The following SMO variants were observed in gnomAD, a reference collection of about 807,000 sequenced individuals.
The protein encoded by SMO is protein smoothened.
A neutral mutation model predicts 81.6 loss-of-function variants in SMO; 40 were observed. The ratio of observed to expected loss-of-function variants is 0.49; its 90% CI spans 0.38 to 0.64. The LOEUF (loss-of-function observed/expected upper bound fraction) is 0.64, where lower values mean the gene tolerates loss of function less well. SMO is among the 30% of genes least tolerant of loss of function. The pLI, the probability that SMO is intolerant of heterozygous loss-of-function variation, is 0.00. For synonymous variants in SMO, 434 were observed against 432.1 expected, an observed-to-expected ratio of 1.00 and a Z score of -0.05; for missense variants, 916 against 1,061.1, an observed-to-expected ratio of 0.86 and a Z score of 1.90.
At chr7:129,191,775 T>C (rs1165404925) in intron 1 of SMO, among the ~76,000 whole-genome samples, 1 of 152,204 alleles carries the variant, frequency 6.6e-6, no homozygotes, top group African/African-American at 2.4e-5. Flanking sequence ...AACTCTTGAA[T>C]GTAGGAACTG....
intron 2 of SMO, 25 bp from the exon 3 acceptor site, chr7:129,205,178 C>G (rs760491950): frequency 1.2e-6 from 2 of 1,607,520 alleles, no homozygotes; most frequent in Non-Finnish European, 1.7e-6. Flanking sequence ...GCCTTGACAC[C>G]GTCTTTTCCC....
Position 129,189,206 on chromosome 7 carries a change from C to A in SMO, c.55C>A (p.Leu19Met), listed in dbSNP as rs551830801. Residue 19 changes from leucine to methionine, a missense_variant, in exon 1 of 12, where the codon CTG (leucine) becomes ATG (methionine). By Grantham distance (15) the Leu-to-Met change is conservative (BLOSUM62 2). This residue lies in a region of SMO where 146 missense variants were observed against 149.9 expected (regional missense o/e 0.97). Coordinates refer to ENST00000249373, the MANE Select transcript of SMO (RefSeq NM_005631.5). The surrounding 1 kb of genome is among the most constrained non-coding windows in gnomAD (Gnocchi z 4.7). ...GPELPLLGLL[L>M]LLLLGDPGRG... Reference sequence around the variant, plus strand: ...GGAGCTCCCGCTCCTGGGGCTGCTGCTGCTGCTGCTGCTGGGGGACCCGGG... The same window carrying A: ...GGAGCTCCCGCTCCTGGGGCTGCTGATGCTGCTGCTGCTGGGGGACCCGGG... 8.6e-7 allele frequency: 1 copy of A among 1,156,584 alleles called. No individual in the cohort carries two copies. Among genetic ancestry groups the A allele is most frequent in the Non-Finnish European group, 1.1e-6 (1 of 922,364 alleles). 71.6% of individuals were successfully genotyped at this position (1,156,584 alleles called of 1,614,324 possible).
In SMO at chr7:129,211,107, C is replaced by G. The variant is rs2150654872; in HGVS notation, c.1795C>G (p.Pro599Ala). The change falls in exon 10 of 12, where the codon CCC (proline) becomes GCC (alanine). Residue 599 changes from proline (P) to alanine (A), a missense_variant. By Grantham distance (27) the Pro-to-Ala change is conservative. Coordinates refer to ENST00000249373, the MANE Select transcript of SMO (RefSeq NM_005631.5). This position sits in a 1 kb window ranked among gnomAD's most constrained non-coding sequence, Gnocchi z 4.6. ...CATGCACACTGTGTCCCACGACGGG[C>G]CCGTGGGTGAGCCTCACCCCTCCTC... The part of the protein sequence containing the change: ...FSMHTVSHDG[P>A]VAGLAFDLNE... The G allele has an allele frequency of 6.2e-7, 1 of 1,605,538 alleles. No homozygotes were observed. Among genetic ancestry groups the G allele is most frequent in the Non-Finnish European group, 8.5e-7 (1 of 1,175,332 alleles).
intron 2 of SMO, among the ~76,000 whole-genome samples, chr7:129,204,641 G>A (rs1793728515): frequency 6.7e-6 from 1 of 148,850 alleles, no homozygotes; most frequent in Non-Finnish European, 1.5e-5. Flanking sequence ...GCCAGACTCT[G>A]TCTCTCTCTT....
Position 129,189,365 on chromosome 7 carries a change from C to G in SMO, c.214C>G (p.Pro72Ala). 1 of 1,531,084 alleles carries G rather than the reference C, an allele frequency of 6.5e-7. No individual in the cohort carries two copies. Among genetic ancestry groups the G allele is most frequent in the Non-Finnish European group, 8.7e-7 (1 of 1,144,726 alleles). The allele number at this position is 1,531,084 out of a possible 1,614,324, so 94.8% of individuals were successfully genotyped here. Reference sequence around the variant, plus strand: ...CTGCGGCCGGGCTGCCCCCTGCGAGCCGCTGCGCTACAACGTGTGCCTGGG... The same window carrying G: ...CTGCGGCCGGGCTGCCCCCTGCGAGGCGCTGCGCTACAACGTGTGCCTGGG... ...SHCGRAAPCEPLRYNVCLGSV... is the reference protein window; with the variant it reads ...SHCGRAAPCEALRYNVCLGSV... Residue 72 changes from proline to alanine, a missense_variant, in exon 1 of 12, where the codon CCG becomes GCG. Physicochemically the swap from Pro to Ala is conservative, Grantham distance 27. Coordinates refer to ENST00000249373, the MANE Select transcript of SMO (RefSeq NM_005631.5). This position sits in a 1 kb window ranked among gnomAD's most constrained non-coding sequence, Gnocchi z 4.7.
rs958979411 is a variant in SMO, at chr7:129,206,292, G to A, written c.1063G>A (p.Gly355Ser). ...ALGTTYQPLS[G>S]KTSYFHLLTW... is the part of the protein sequence containing the mutation. Reference sequence around the variant, plus strand: ...GGGCACCACCTACCAGCCTCTCTCGGGCAAGACCTCCTACTTCCACCTGCT... The same window carrying A: ...GGGCACCACCTACCAGCCTCTCTCGAGCAAGACCTCCTACTTCCACCTGCT... Residue 355 changes from glycine (G) to serine (S), a missense_variant, in exon 5 of 12, where the codon GGC (glycine) becomes AGC (serine). Around this residue, in one of 4 missense-constraint regions of SMO, gnomAD observed 436 missense variants for 570.9 expected, o/e 0.76. Coordinates refer to ENST00000249373, the MANE Select transcript of SMO (RefSeq NM_005631.5). The surrounding 1 kb of genome is among the most constrained non-coding windows in gnomAD (Gnocchi z 4.4). 2 of 1,614,034 alleles carry A rather than the reference G, an allele frequency of 1.2e-6. No homozygotes were observed. The highest frequency in any genetic ancestry group is 1.3e-5 in the African/African-American group (1 of 74,898).
At position 129,211,336 on chromosome 7, in the gene SMO, G is replaced by A. The variant is rs768152099; in HGVS notation, c.1801+223G>A. 42 of 717,346 alleles carry A rather than the reference G, an allele frequency of 5.9e-5. No homozygotes were observed. The Admixed American group carries it at 8.4e-4, about 14-fold the overall frequency. The allele number at this position is 717,346 out of a possible 1,614,324, so 44.4% of individuals were successfully genotyped here. A position where few individuals can be genotyped will look rare whatever the true frequency, so the allele number is the denominator to read the frequency against. On this transcript the variant is annotated intron_variant, in intron 10 of 11. Coordinates refer to ENST00000249373, the MANE Select transcript of SMO (RefSeq NM_005631.5). This position sits in a 1 kb window ranked among gnomAD's most constrained non-coding sequence, Gnocchi z 4.6. ...CCCTGGGTCTGCTTGCCGGTGCTTG[G>A]GTTCCAAGAAGACTCCCCTCCCTCT...
chr7:129,213,054 C>T lies in SMO; in HGVS notation c.*603C>T. 3 of 246,072 alleles carry T rather than the reference C, an allele frequency of 1.2e-5. No homozygotes were observed. The highest frequency in any genetic ancestry group is 2.4e-5 in the Non-Finnish European group (3 of 126,502). The allele number at this position is 246,072 out of a possible 1,614,324, so 15.2% of individuals were successfully genotyped here. On this transcript the variant is annotated 3_prime_UTR_variant, in exon 12 of 12. Coordinates refer to ENST00000249373, the MANE Select transcript of SMO (RefSeq NM_005631.5). Reference sequence around the variant, plus strand: ...CACTACCCCAAACCCATCTTTTGTTCTCCTATATCCTCCTTCTTCTGTTCC... The same window carrying T: ...CACTACCCCAAACCCATCTTTTGTTTTCCTATATCCTCCTTCTTCTGTTCC...
Position 129,189,597 on chromosome 7 carries a change from G to A in SMO, c.331+115G>A, listed in dbSNP as rs1038142544. The A allele has an allele frequency of 9.5e-6, 11 of 1,153,866 alleles. No individual in the cohort carries two copies. The highest frequency in any genetic ancestry group is 1.3e-5 in the Non-Finnish European group (11 of 828,422). The allele number at this position is 1,153,866 out of a possible 1,614,324, so 71.5% of individuals were successfully genotyped here. A position where few individuals can be genotyped will look rare whatever the true frequency, so the allele number is the denominator to read the frequency against. On this transcript the variant is annotated intron_variant, in intron 1 of 11. Coordinates refer to ENST00000249373, the MANE Select transcript of SMO (RefSeq NM_005631.5). This position sits in a 1 kb window ranked among gnomAD's most constrained non-coding sequence, Gnocchi z 4.7. Reference sequence around the variant, plus strand: ...TGGAGAGGGCGGGGACAGCACCCGGGAGAGTTGGAGGGACAGATCCCGAAA... The same window carrying A: ...TGGAGAGGGCGGGGACAGCACCCGGAAGAGTTGGAGGGACAGATCCCGAAA...
At chr7:129,197,585 G>A (rs768839260) in intron 1 of SMO, among the ~76,000 whole-genome samples, 9 of 151,978 alleles carry the variant, frequency 5.9e-5, no homozygotes, top group Non-Finnish European at 1.2e-4. Flanking sequence ...ATGCCACCAC[G>A]CCCGGCTAAT....
At position 129,211,728 on chromosome 7, in the gene SMO, A is replaced by G; in HGVS notation, c.1894A>G (p.Ile632Val). 3 of 1,614,036 alleles carry G rather than the reference A, an allele frequency of 1.9e-6. No individual in the cohort carries two copies. Among genetic ancestry groups the G allele is most frequent in the Non-Finnish European group, 2.5e-6 (3 of 1,179,998 alleles). The part of the protein sequence containing the change: ...VTKMVARRGA[I>V]LPQDISVTPV... ...CAAGATGGTGGCTCGGAGAGGAGCC[A>G]TACTGCCCCAGGATATTTCTGTCAC... Residue 632 changes from isoleucine (I) to valine (V), a missense_variant, in exon 11 of 12, where the codon ATA (isoleucine) becomes GTA (valine). Coordinates refer to ENST00000249373, the MANE Select transcript of SMO (RefSeq NM_005631.5). The surrounding 1 kb of genome is among the most constrained non-coding windows in gnomAD (Gnocchi z 4.6).
rs1410158701 is a variant in SMO at position 129,202,923 on chromosome 7, TAGTA to T, written c.332-458_332-455del. 7.9e-5 allele frequency among the ~76,000 whole-genome samples: 12 copies of T among 152,312 alleles called. No homozygotes were observed. In the South Asian group the frequency reaches 2.5e-3, roughly 32 times the overall value. On this transcript the variant is annotated intron_variant, in intron 1 of 11. Transcript: ENST00000249373. ...AGTTATTTTCTTAAAACTTAAATGA[TAGTA>T]AGCATACAGAATAGCGCACAGATCA... is the stretch of plus-strand genomic sequence containing the variant.
intron 1 of SMO, among the ~76,000 whole-genome samples, chr7:129,201,313 G>T (rs1396642398): frequency 1.3e-5 from 2 of 152,082 alleles, no homozygotes; most frequent in East Asian, 3.9e-4. Flanking sequence ...CCAAGTTCTG[G>T]GATTACAGGT....
chr7:129,189,108 C>A lies in SMO; in HGVS notation c.-44C>A. The stretch of plus-strand genomic sequence containing the variant: ...CGTGTGGCCGGGGGGCTCCGAGGAG[C>A]AGGCGGGGGCGCCGGGGCTTTTGCT... On this transcript the variant is annotated 5_prime_UTR_variant, in exon 1 of 12. Transcript: ENST00000249373. This position sits in a 1 kb window ranked among gnomAD's most constrained non-coding sequence, Gnocchi z 4.7. 8.3e-7 allele frequency: 1 copy of A among 1,201,408 alleles called. No homozygotes were observed. The highest frequency in any genetic ancestry group is 1.0e-6 in the Non-Finnish European group (1 of 966,248). The allele number at this position is 1,201,408 out of a possible 1,614,324, so 74.4% of individuals were successfully genotyped here. A position where few individuals can be genotyped will look rare whatever the true frequency, so the allele number is the denominator to read the frequency against.
In SMO at chr7:129,206,840, T is replaced by C. The variant is rs1020788036; in HGVS notation, c.1264+253T>C. Among the ~76,000 whole-genome samples the C allele has an allele frequency of 2.5e-4, 2 of 7,930 alleles. No homozygotes were observed. The highest frequency in any genetic ancestry group is 1.2e-3 in the Non-Finnish European group (2 of 1,730). 5.2% of individuals were successfully genotyped at this position (7,930 alleles called of 152,430 possible). The stretch of plus-strand genomic sequence containing the variant: ...CCTTGGCCCAGGGCTCACAGCTTGT[T>C]TTTTTTGTTTGTTTTTGTTTTTGAG... On this transcript the variant is annotated intron_variant, in intron 6 of 11. Coordinates refer to ENST00000249373, the MANE Select transcript of SMO (RefSeq NM_005631.5). The surrounding 1 kb of genome is among the most constrained non-coding windows in gnomAD (Gnocchi z 4.4).
chr7:129,212,259 T>C lies in SMO; in HGVS notation c.2172T>C (p.Ser724=), dbSNP rs753708465. 2.5e-6 allele frequency: 4 copies of C among 1,607,954 alleles called. No individual in the cohort carries two copies. Among genetic ancestry groups the C allele is most frequent in the Admixed American group, 3.4e-5 (2 of 58,720 alleles). ...VAAGAWGAGD[S]CRQGAWTLVS... ...CAGGTGCCTGGGGAGCTGGGGACTC[T>C]TGCCGACAGGGAGCGTGGACCCTGG... is the stretch of plus-strand genomic sequence containing the variant. Residue 724 remains serine, a synonymous_variant, in exon 12 of 12, where the codon TCT becomes TCC. Transcript: ENST00000249373. This position sits in a 1 kb window ranked among gnomAD's most constrained non-coding sequence, Gnocchi z 5.0.
chr7:129,211,413 T>A lies in SMO; in HGVS notation c.1802-223T>A, dbSNP rs535478741. The A allele has an allele frequency of 2.6e-4, 189 of 713,274 alleles. 1 individual carries two copies. In the East Asian group the frequency reaches 5.1e-3, roughly 19 times the overall value. The allele number at this position is 713,274 out of a possible 1,614,324, so 44.2% of individuals were successfully genotyped here. On this transcript the variant is annotated intron_variant, in intron 10 of 11. Transcript: ENST00000249373. The surrounding 1 kb of genome is among the most constrained non-coding windows in gnomAD (Gnocchi z 4.6). Reference sequence around the variant, plus strand: ...CTCCCTGGGCAAGAGTAAGTCAGGGTTCCAAGAACTGGATTTCTGGCCTCC... The same window carrying A: ...CTCCCTGGGCAAGAGTAAGTCAGGGATCCAAGAACTGGATTTCTGGCCTCC...
Position 129,189,669 on chromosome 7 carries a change from A to G in SMO, c.331+187A>G, listed in dbSNP as rs375297487. 2.0e-5 allele frequency among the ~76,000 whole-genome samples: 3 copies of G among 152,130 alleles called. No homozygotes were observed. The highest frequency in any genetic ancestry group is 1.5e-5 in the Non-Finnish European group (1 of 68,016). On this transcript the variant is annotated intron_variant, in intron 1 of 11. Coordinates refer to ENST00000249373, the MANE Select transcript of SMO (RefSeq NM_005631.5). The surrounding 1 kb of genome is among the most constrained non-coding windows in gnomAD (Gnocchi z 4.7). ...AGGATGGGACCCTCGGTCATGGGAA[A>G]AGGAGGGCAAGGAAGTTGACGAAGC... is the stretch of plus-strand genomic sequence containing the variant.
intron 1 of SMO, among the ~76,000 whole-genome samples, chr7:129,195,461 C>T (rs1804461194): frequency 6.6e-6 from 1 of 152,094 alleles, no homozygotes; most frequent in African/African-American, 2.4e-5. Flanking sequence ...TTTTTAAATG[C>T]TTACTGGCCT....
Sources: gnomAD v4.1 joint callset for allele counts (sites outside exome capture counted in the v4.1 genomes callset) on GRCh38, gnomAD v4.1.1 for gene constraint, gnomAD v4.1.1 regional missense constraint, Gnocchi (gnomAD v3.1) non-coding constraint, MANE v1.5 for transcripts, NCBI Gene and HGNC (gene_info 2026-07-23, HGNC 2026-07-21) for gene names.